The following SPSB4 variants were observed in gnomAD, a reference collection of about 807,000 sequenced individuals.
SPSB4 encodes the protein splA/ryanodine receptor domain and SOCS box containing 4.
In SPSB4, 21 loss-of-function variants were observed where a neutral mutation model predicts 20.9. That is an observed-to-expected ratio of 1.01 (90% CI 0.71 to 1.45). The LOEUF is 1.45. Ranked by LOEUF, SPSB4 falls within the 40% of genes most tolerant of loss-of-function variation. The pLI, the probability that SPSB4 is intolerant of heterozygous loss-of-function variation, is 0.00. For synonymous variants in SPSB4, 207 were observed against 183.8 expected (o/e 1.13, Z -1.02); for missense variants, 399 against 399.2 (o/e 1.00, Z 0.00).
chr3:141,105,248 G>A (rs897922206), intron 2 of SPSB4, among the ~76,000 whole-genome samples: 4 of 152,192 alleles, frequency 2.6e-5, no homozygotes, highest in African/African-American at 9.7e-5. Flanking sequence ...GGTGAAACGG[G>A]ATGTTACACA....
At chr3:141,074,616 C>A (rs530241156) in intron 2 of SPSB4, among the ~76,000 whole-genome samples, 16 of 152,122 alleles carry the variant, frequency 1.1e-4, no homozygotes, top group Non-Finnish European at 2.1e-4. Flanking sequence ...GAGCGGTTTC[C>A]GGCTGCATGT....
chr3:141,077,741 C>T (rs1266354363), intron 2 of SPSB4, among the ~76,000 whole-genome samples: 1 of 152,204 alleles, frequency 6.6e-6, no homozygotes, highest in Non-Finnish European at 1.5e-5. Context: ...AACTGAGGGC[C>T]ACTCACAGTG....
chr3:141,138,320 G>A (rs1235622016), intron 2 of SPSB4, among the ~76,000 whole-genome samples: 1 of 152,046 alleles, frequency 6.6e-6, no homozygotes, highest in Admixed American at 6.6e-5. Context: ...AGGGTTTTTT[G>A]TGTCTCTATC....
intron 1 of SPSB4, among the ~76,000 whole-genome samples, chr3:141,065,580 T>C (rs1343750800): frequency 1.3e-5 from 2 of 152,222 alleles, no homozygotes; most frequent in Non-Finnish European, 2.9e-5. Flanking sequence ...CTCCCTATGA[T>C]TGTTCTAGGT....
chr3:141,124,147 C>T (rs1475142355), intron 2 of SPSB4: 2 of 152,240 alleles, frequency 1.3e-5, no homozygotes, highest in African/African-American at 2.4e-5. Flanking sequence ...TCCTCTCTCC[C>T]GAACACTGGG....
intron 2 of SPSB4, among the ~76,000 whole-genome samples, chr3:141,119,446 T>G (rs1289426362): frequency 6.6e-6 from 1 of 152,182 alleles, no homozygotes. Context: ...ACACAGACAA[T>G]TTGATTTCCT....
At chr3:141,104,366 G>C (rs1938655915) in intron 2 of SPSB4, among the ~76,000 whole-genome samples, 1 of 152,208 alleles carries the variant, frequency 6.6e-6, no homozygotes, top group South Asian at 2.1e-4. Flanking sequence ...AGGGAAGTTT[G>C]TGGGTAGATT....
At chr3:141,062,356 T>A (rs1241400003) in intron 1 of SPSB4, among the ~76,000 whole-genome samples, 1 of 151,822 alleles carries the variant, frequency 6.6e-6, no homozygotes. Context: ...TATGATACAT[T>A]ACATGATTAG....
chr3:141,145,826 T>C lies in SPSB4; in HGVS notation c.695-1316T>C, dbSNP rs1939405361. On this transcript the variant is annotated intron_variant, in intron 2 of 2. Transcript: ENST00000310546. ...TTCCTCTCCCCACAAACCTCCAGGC[T>C]GTCCTGTTTTATTCCTCCTTTGCCT... Among the ~76,000 whole-genome samples the C allele has an allele frequency of 2.0e-5, 3 of 152,068 alleles. No individual in the cohort carries two copies. In the South Asian group the frequency reaches 6.2e-4, roughly 32 times the overall value.
intron 2 of SPSB4, among the ~76,000 whole-genome samples, chr3:141,146,209 G>A (rs1939409891): frequency 6.6e-6 from 1 of 151,982 alleles, no homozygotes; most frequent in Non-Finnish European, 1.5e-5. Context: ...AATAAACCTA[G>A]TTAAAGTTGG....
intron 2 of SPSB4, among the ~76,000 whole-genome samples, chr3:141,126,507 G>A (rs1207846061): frequency 6.6e-6 from 1 of 152,066 alleles, no homozygotes; most frequent in East Asian, 1.9e-4. Context: ...ATTTCCAACC[G>A]GGGTTCCAGG....
intron 2 of SPSB4, among the ~76,000 whole-genome samples, chr3:141,095,909 AGGTCTTCCTCATCC>A (rs1207949079): frequency 6.6e-6 from 1 of 152,092 alleles, no homozygotes; most frequent in Non-Finnish European, 1.5e-5. Flanking sequence ...AGAAGAGCAC[AGGTCTTCCTCATCC>A]ATCCTTCTTA....
intron 2 of SPSB4, among the ~76,000 whole-genome samples, chr3:141,109,047 C>T (rs1390796902): frequency 6.6e-6 from 1 of 152,156 alleles, no homozygotes; most frequent in Admixed American, 6.5e-5. Context: ...CTTTTGGAGT[C>T]CAGTTTTTTA....
rs956101766 is a variant in SPSB4, at chr3:141,147,603, A to C, written c.*334A>C. On this transcript the variant is annotated 3_prime_UTR_variant, in exon 3 of 3. Coordinates refer to ENST00000310546, the MANE Select transcript of SPSB4 (RefSeq NM_080862.3). ...GAGAGCCTGTTTCCTTATTCAAGAG[A>C]ATGAATAAAACATTTAGGCAGGAGA... 13 of 239,212 alleles carry C rather than the reference A, an allele frequency of 5.4e-5. No homozygotes were observed. The highest frequency in any genetic ancestry group is 2.8e-4 in the African/African-American group (13 of 45,788). 14.8% of individuals were successfully genotyped at this position (239,212 alleles called of 1,614,324 possible).
At chr3:141,128,315 T>A (rs956080045) in intron 2 of SPSB4, among the ~76,000 whole-genome samples, 1 of 150,696 alleles carries the variant, frequency 6.6e-6, no homozygotes, top group African/African-American at 2.4e-5. Flanking sequence ...TGTGGAGGAG[T>A]CATCAGGGCG....
At chr3:141,110,092 G>T (rs1938771524) in intron 2 of SPSB4, among the ~76,000 whole-genome samples, 1 of 152,236 alleles carries the variant, frequency 6.6e-6, no homozygotes, top group East Asian at 1.9e-4. Flanking sequence ...CTGGCCCTTT[G>T]CAGCCCTGCC....
chr3:141,146,827 C>G (rs2107810217), intron 2 of SPSB4, among the ~76,000 whole-genome samples: 1 of 151,534 alleles, frequency 6.6e-6, no homozygotes, highest in East Asian at 1.9e-4. Flanking sequence ...AGAGACAAGG[C>G]TTTCATGAAA....
intron 2 of SPSB4, among the ~76,000 whole-genome samples, chr3:141,121,399 C>G (rs1938964527): frequency 6.6e-6 from 1 of 152,142 alleles, no homozygotes; most frequent in Non-Finnish European, 1.5e-5. Flanking sequence ...CTTGGGGTTG[C>G]TCTTCTCAAG....
chr3:141,061,242 C>A (rs1310222655), intron 1 of SPSB4, among the ~76,000 whole-genome samples: 1 of 151,704 alleles, frequency 6.6e-6, no homozygotes, highest in Non-Finnish European at 1.5e-5. Flanking sequence ...GCCCATTATA[C>A]CAATTTTTAA....
Sources: allele counts gnomAD v4.1 joint callset (sites outside exome capture counted in the v4.1 genomes callset), GRCh38; gene constraint gnomAD v4.1.1; transcripts MANE v1.5; gene names NCBI Gene and HGNC (gene_info 2026-07-23, HGNC 2026-07-21).